Variants in BTK observed in about 807,000 individuals in gnomAD.
BTK encodes the protein Bruton tyrosine kinase, also known as tyrosine-protein kinase BTK.
A neutral mutation model predicts 57.4 loss-of-function variants in BTK; 5 were observed. That is an observed-to-expected ratio of 0.09 (90% CI 0.05 to 0.18). The LOEUF is 0.18. Ranked by LOEUF, BTK falls within the 10% of genes least tolerant of loss-of-function variation. The pLI is 1.00. For synonymous variants in BTK, 154 were observed against 174.3 expected, an observed-to-expected ratio of 0.88 and a Z score of 0.92; for missense variants, 194 against 501.2, an observed-to-expected ratio of 0.39 and a Z score of 5.85.
chrX:101,387,061 G>A (rs1476430620), upstream of BTK, among the ~76,000 whole-genome samples: 1 of 111,575 alleles, frequency 9.0e-6, no homozygotes, highest in African/African-American at 3.3e-5. Context: ...TTGACACCTC[G>A]GGCACTGCCA....
chrX:101,356,215 C>T lies in BTK; in HGVS notation c.1403G>A (p.Arg468His), dbSNP rs1555977836. The change falls in exon 15 of 19, where the codon CGC (arginine) becomes CAC (histidine). Residue 468 changes from arginine (R) to histidine (H), a missense_variant. Physicochemically the swap from Arg to His is conservative, Grantham distance 29. Coordinates refer to ENST00000308731, the MANE Select transcript of BTK (RefSeq NM_000061.3). Reference sequence around the variant, plus strand: ...GTACTCAGTGATGATGAAGATGGGGCGCTGCTTGGTGCAGACGCCATACAA... The same window carrying T: ...GTACTCAGTGATGATGAAGATGGGGTGCTGCTTGGTGCAGACGCCATACAA... Reference protein sequence around the residue: ...VQLYGVCTKQRPIFIITEYMA... With the variant: ...VQLYGVCTKQHPIFIITEYMA... 16 of 1,209,567 alleles carry T rather than the reference C, an allele frequency of 1.3e-5. No individual in the cohort carries two copies. Among genetic ancestry groups the T allele is most frequent in the African/African-American group, 3.5e-5 (2 of 57,003 alleles).
At chrX:101,379,530 C>T (rs1181489856) in intron 1 of BTK, among the ~76,000 whole-genome samples, 1 of 112,477 alleles carries the variant, frequency 8.9e-6, no homozygotes, top group Non-Finnish European at 1.9e-5. Flanking sequence ...GGTTATGTGA[C>T]TTGTCCAACC....
At chrX:101,369,366 G>A (rs1555979960) in intron 5 of BTK, among the ~76,000 whole-genome samples, 2 of 112,242 alleles carry the variant, frequency 1.8e-5, no homozygotes, top group Admixed American at 9.5e-5. Context: ...CATCAAAGAA[G>A]CTTGTTGGCC....
chrX:101,367,508 C>A (rs1304898752), intron 5 of BTK, among the ~76,000 whole-genome samples: 1 of 107,885 alleles, frequency 9.3e-6, no homozygotes, highest in African/African-American at 3.4e-5. Flanking sequence ...TGGTGGCAGG[C>A]GCCTGTCATC....
chrX:101,364,627 C>G (rs1206058042), intron 5 of BTK, among the ~76,000 whole-genome samples: 1 of 109,458 alleles, frequency 9.1e-6, no homozygotes, highest in Non-Finnish European at 1.9e-5. Flanking sequence ...AAACCATTCT[C>G]CCCTACCCAC....
chrX:101,378,083 A>AT (rs536846518), intron 1 of BTK: 21,731 of 89,964 alleles, frequency 0.24, 2,421 homozygotes, highest in African/African-American at 0.34. Flanking sequence ...GAAAGGCCCC[A>AT]TTTTTTTTTT....
chrX:101,381,007 G>GA (rs782713123), intron 1 of BTK, among the ~76,000 whole-genome samples: 873 of 24,099 alleles, frequency 0.036, 5 homozygotes, highest in East Asian at 0.077. Context: ...ACTCGGTCGC[G>GA]AAAAAAAAAA....
intron 15 of BTK, chrX:101,355,557 T>TC: frequency 2.3e-5 from 3 of 132,799 alleles, no homozygotes; most frequent in African/African-American, 3.2e-5. Context: ...ACGGTGTAGA[T>TC]TTTCAAGAGA....
At chrX:101,389,051 CAAT>C (rs1291829258), upstream of BTK, among the ~76,000 whole-genome samples, 2 of 111,386 alleles carry the variant, frequency 1.8e-5, no homozygotes, top group African/African-American at 6.5e-5. Context: ...ATCTAATGTG[CAAT>C]ATAGTGACCA....
In BTK at chrX:101,360,624, T is replaced by G. The variant is rs141590686; in HGVS notation, c.720A>C (p.Glu240Asp). 68 of 1,210,003 alleles carry G rather than the reference T, an allele frequency of 5.6e-5. No individual in the cohort carries two copies. The highest frequency in any genetic ancestry group is 6.4e-5 in the Non-Finnish European group (57 of 895,277). Residue 240 changes from glutamate to aspartate, a missense_variant, in exon 8 of 19, where the codon GAA becomes GAC. Physicochemically the swap from Glu to Asp is conservative, Grantham distance 45 (BLOSUM62 2). This residue lies in a region of BTK where 115 missense variants were observed against 258.3 expected (regional missense o/e 0.45). Coordinates refer to ENST00000308731, the MANE Select transcript of BTK (RefSeq NM_000061.3). The stretch of plus-strand genomic sequence containing the variant: ...AGTTGCTTTCCTCCAAGATAAAATA[T>G]TCATCACCCTTCCGCAGCTGTAGAT... ...ANDLQLRKGD[E>D]YFILEESNLP...
At position 101,366,845 on chromosome X, in the gene BTK, T is replaced by C. The variant is rs1926866475; in HGVS notation, c.391+3153A>G. ...GACCCAGCTGAAGTGATGGTGTTTCTGTTTATTTATTTTGGCTTTATTTTT... is the reference window on the plus strand; with the variant it reads ...GACCCAGCTGAAGTGATGGTGTTTCCGTTTATTTATTTTGGCTTTATTTTT... On this transcript the variant is annotated intron_variant, in intron 5 of 18. Transcript: ENST00000308731. 3.6e-5 allele frequency among the ~76,000 whole-genome samples: 4 copies of C among 112,657 alleles called. No homozygotes were observed. The Admixed American group carries it at 3.8e-4, about 11-fold the overall frequency.
chrX:101,381,838 C>A lies in BTK; in HGVS notation c.-31+4224G>T, dbSNP rs181427569. ...AGGTCAGGAGTTTGAGAGCAGCCAG[C>A]CTGACCAACATGGAGAAACCCTGTC... On this transcript the variant is annotated intron_variant, in intron 1 of 18. Coordinates refer to ENST00000308731, the MANE Select transcript of BTK (RefSeq NM_000061.3). 6.9e-4 allele frequency among the ~76,000 whole-genome samples: 76 copies of A among 109,998 alleles called. No homozygotes were observed. The East Asian group carries it at 0.021, about 31-fold the overall frequency.
chrX:101,358,696 C>T lies in BTK; in HGVS notation c.895G>A (p.Gly299Arg), dbSNP rs1926563786. 8.3e-7 allele frequency: 1 copy of T among 1,206,384 alleles called. No individual in the cohort carries two copies. The highest frequency in any genetic ancestry group is 1.7e-5 in the African/African-American group (1 of 57,683). ...SQAEQLLKQE[G>R]KEGGFIVRDS... ...CTGACAATGAAACCTCCTTCTTTCCCCTGAAACAACGAAAAAGAAGCTGTC... is the reference window on the plus strand; with the variant it reads ...CTGACAATGAAACCTCCTTCTTTCCTCTGAAACAACGAAAAAGAAGCTGTC... Residue 299 changes from glycine to arginine, a missense_variant and splice_region_variant, in exon 11 of 19, where the codon GGG (glycine) becomes AGG (arginine). Around this residue, in one of 3 missense-constraint regions of BTK, gnomAD observed 115 missense variants for 258.3 expected, o/e 0.45. Transcript: ENST00000308731.
chrX:101,357,509 C>T lies in BTK; in HGVS notation c.1177G>A (p.Gly393Arg), dbSNP rs1569291997. The T allele has an allele frequency of 1.7e-6, 2 of 1,209,359 alleles. No individual in the cohort carries two copies. The highest frequency in any genetic ancestry group is 2.2e-6 in the Non-Finnish European group (2 of 893,640). ...NAPSTAGLGY[G>R]SWEIDPKDLT... ...CTACCCCAGAGAAATAAGGAGTTAC[C>T]GTATCCCAGGCCTGCAGTGGAAGGT... Residue 393 changes from glycine (G) to arginine (R), a missense_variant and splice_region_variant, in exon 13 of 19, where the codon GGA becomes AGA. Around this residue, in one of 3 missense-constraint regions of BTK, gnomAD observed 79 missense variants for 217.7 expected, o/e 0.36. Coordinates refer to ENST00000308731, the MANE Select transcript of BTK (RefSeq NM_000061.3).
In BTK at chrX:101,358,614, C is replaced by T. The variant is rs1555978190; in HGVS notation, c.974+3G>A. On this transcript the variant is annotated splice_donor_region_variant and intron_variant, in intron 11 of 18. Transcript: ENST00000308731. ...CTCAGGGCCTTGGAATAGTAGCACTCACCCTGTGGATTTAGCAAACACAGA... is the reference window on the plus strand; with the variant it reads ...CTCAGGGCCTTGGAATAGTAGCACTTACCCTGTGGATTTAGCAAACACAGA... 1 of 1,206,381 alleles carries T rather than the reference C, an allele frequency of 8.3e-7. No homozygotes were observed. Among genetic ancestry groups the T allele is most frequent in the Non-Finnish European group, 1.1e-6 (1 of 892,043 alleles).
Position 101,360,109 on chromosome X carries a change from T to C in BTK, c.818A>G (p.Glu273Gly). ...YIPSNYVTEA[E>G]DSIEMYEWYS... ...TTACTCATACATTTCTATGGAGTCTTCTGCTTCAGTGACATAGTTACTAGG... is the reference window on the plus strand; with the variant it reads ...TTACTCATACATTTCTATGGAGTCTCCTGCTTCAGTGACATAGTTACTAGG... Residue 273 changes from glutamate (E) to glycine (G), a missense_variant, in exon 9 of 19, where the codon GAA becomes GGA. Around this residue, in one of 3 missense-constraint regions of BTK, gnomAD observed 115 missense variants for 258.3 expected, o/e 0.45. Transcript: ENST00000308731. 1 of 1,205,161 alleles carries C rather than the reference T, an allele frequency of 8.3e-7. No homozygotes were observed. Among genetic ancestry groups the C allele is most frequent in the African/African-American group, 1.7e-5 (1 of 57,158 alleles).
rs781937023 is a variant in BTK, at chrX:101,349,543, A to C, written c.*342T>G. On this transcript the variant is annotated 3_prime_UTR_variant, in exon 19 of 19. Transcript: ENST00000308731. ...TTCTTGCCAAATTCGGTCCACCCCC[A>C]CACACACACCCCCAAGCTCTACCAA... The C allele has an allele frequency of 2.6e-4, 53 of 207,045 alleles. No individual in the cohort carries two copies. The highest frequency in any genetic ancestry group is 4.8e-4 in the Admixed American group (7 of 14,617). The allele number at this position is 207,045 out of a possible 1,213,427, so 17.1% of individuals were successfully genotyped here. A position where few individuals can be genotyped will look rare whatever the true frequency, so the allele number is the denominator to read the frequency against.
upstream of BTK, among the ~76,000 whole-genome samples, chrX:101,386,604 C>G (rs1441689782): frequency 2.7e-5 from 3 of 110,694 alleles, no homozygotes; most frequent in African/African-American, 9.9e-5. Flanking sequence ...TTCGAGTCTC[C>G]TGTCCTCCGG....
intron 10 of BTK, 76 bp downstream of exon 10, chrX:101,359,217 G>A: frequency 9.3e-7 from 1 of 1,072,639 alleles, no homozygotes; most frequent in South Asian, 1.8e-5. Context: ...CCAAAGGTAG[G>A]GGGCAGAACA....
Sources: gnomAD v4.1 joint callset for allele counts (sites outside exome capture counted in the v4.1 genomes callset) on GRCh38, gnomAD v4.1.1 for gene constraint, gnomAD v4.1.1 regional missense constraint, MANE v1.5 for transcripts, NCBI Gene and HGNC (gene_info 2026-07-23, HGNC 2026-07-21) for gene names.